CACNA1H: variants seen among roughly 807,000 people sequenced by gnomAD.
CACNA1H encodes the protein voltage-dependent T-type calcium channel subunit alpha-1H.
CACNA1H carries 149 observed loss-of-function variants against 192.5 expected under a neutral mutation model. That is an observed-to-expected ratio of 0.77 (90% CI 0.68 to 0.89). The LOEUF (loss-of-function observed/expected upper bound fraction) is 0.89. CACNA1H is among the 40% of genes least tolerant of loss of function. The pLI is 0.00. For missense variants in CACNA1H, 4,257 were observed against 3,423.5 expected (o/e 1.24, Z -6.08); for synonymous variants, 2,202 against 1,475.2 (o/e 1.49, Z -11.29).
chr16:1,155,124 C>T (rs1962146408), intron 2 of CACNA1H, among the ~76,000 whole-genome samples: 1 of 152,220 alleles, frequency 6.6e-6, no homozygotes, highest in African/African-American at 2.4e-5. Flanking sequence ...AAAGAGGAAT[C>T]TGTACAAAAA....
At chr16:1,179,392 T>C (rs1167568310) in intron 2 of CACNA1H, among the ~76,000 whole-genome samples, 1 of 152,064 alleles carries the variant, frequency 6.6e-6, no homozygotes, top group Non-Finnish European at 1.5e-5. Flanking sequence ...CCCCGCGAGG[T>C]TGGGGAGGTG....
intron 13 of CACNA1H, 66 bp from the exon 14 acceptor site, chr16:1,207,209 T>C: frequency 6.4e-7 from 1 of 1,555,494 alleles, no homozygotes; most frequent in Non-Finnish European, 8.7e-7. Flanking sequence ...TAGCTGCCTC[T>C]GCCCCAAGGA....
chr16:1,206,546 C>T (rs1968735771), intron 12 of CACNA1H: 2 of 533,592 alleles, frequency 3.7e-6, no homozygotes, highest in Non-Finnish European at 6.7e-6. Flanking sequence ...GGGATTTACT[C>T]AAGAGCAGAA....
intron 12 of CACNA1H, 72 bp downstream of exon 12, chr16:1,206,361 A>C: frequency 1.4e-6 from 2 of 1,439,666 alleles, no homozygotes; most frequent in South Asian, 2.6e-5. Context: ...GGCCCAGGGC[A>C]CCCCCCGAAG....
At chr16:1,211,387 G>T (rs936762784) in intron 22 of CACNA1H, 93 bp downstream of exon 22, 53 of 1,606,696 alleles carry the variant, frequency 3.3e-5, no homozygotes, top group Middle Eastern at 3.3e-4. Context: ...GCGGGACGGG[G>T]AGGGACAGCT....
At chr16:1,166,056 T>C (rs1963737954) in intron 2 of CACNA1H, among the ~76,000 whole-genome samples, 1 of 152,214 alleles carries the variant, frequency 6.6e-6, no homozygotes, top group Non-Finnish European at 1.5e-5. Flanking sequence ...CATTTGTGAC[T>C]TGGAATTGGG....
At chr16:1,172,141 G>A (rs118161995) in intron 2 of CACNA1H, among the ~76,000 whole-genome samples, 1,915 of 152,284 alleles carry the variant, frequency 0.013, 15 homozygotes, top group Non-Finnish European at 0.02. Context: ...GCCGCAGGGC[G>A]TGGGCCGCAC....
At chr16:1,176,924 G>A (rs1050527752) in intron 2 of CACNA1H, among the ~76,000 whole-genome samples, 1 of 152,174 alleles carries the variant, frequency 6.6e-6, no homozygotes, top group Non-Finnish European at 1.5e-5. Context: ...CTGTGAGGAT[G>A]TTCCGTGGAC....
chr16:1,188,615 C>T (rs961065134), intron 2 of CACNA1H, among the ~76,000 whole-genome samples: 7 of 152,220 alleles, frequency 4.6e-5, no homozygotes, highest in Admixed American at 1.3e-4. Context: ...GGGCTGCCCA[C>T]GCCCGCGCCC....
intron 19 of CACNA1H, 41 bp from the exon 20 acceptor site, chr16:1,210,542 G>C (rs964914459): frequency 6.2e-7 from 1 of 1,610,430 alleles, no homozygotes. Flanking sequence ...CCCCAGGGAG[G>C]GGTGGAGTGG....
At chr16:1,165,308 C>A (rs1378368980) in intron 2 of CACNA1H, among the ~76,000 whole-genome samples, 1 of 152,202 alleles carries the variant, frequency 6.6e-6, no homozygotes, top group African/African-American at 2.4e-5. Flanking sequence ...GGCTCAGAAT[C>A]GGCAGACCCA....
At chr16:1,165,174 G>A (rs865799912) in intron 2 of CACNA1H, among the ~76,000 whole-genome samples, 1 of 152,182 alleles carries the variant, frequency 6.6e-6, no homozygotes, top group South Asian at 2.1e-4. Flanking sequence ...TGACCACCGT[G>A]GCGCGATTGC....
rs926826964 is a variant in CACNA1H, at chr16:1,180,282, C to G, written c.300-14690C>G. 6.6e-6 allele frequency among the ~76,000 whole-genome samples: 1 copy of G among 152,180 alleles called. No homozygotes were observed. The highest frequency in any genetic ancestry group is 1.5e-5 in the Non-Finnish European group (1 of 68,038). On this transcript the variant is annotated intron_variant, in intron 2 of 34. Coordinates refer to ENST00000348261, the MANE Select transcript of CACNA1H (RefSeq NM_021098.3). This position sits in a 1 kb window ranked among gnomAD's most constrained non-coding sequence, Gnocchi z 4.4. The stretch of plus-strand genomic sequence containing the variant: ...TTTCACACAGATTGAGACCAGGCGT[C>G]GCCCACAGAGCATAATGTGAGGCGA...
At chr16:1,217,825 C>T in intron 31 of CACNA1H, 94 bp from the exon 32 acceptor site, 1 of 1,451,282 alleles carries the variant, frequency 6.9e-7, no homozygotes, top group East Asian at 2.5e-5. Flanking sequence ...TATCCTGCCT[C>T]TGGGCTCCCC....
At chr16:1,192,687 C>T (rs1205668807) in intron 2 of CACNA1H, among the ~76,000 whole-genome samples, 3 of 152,172 alleles carry the variant, frequency 2.0e-5, no homozygotes, top group African/African-American at 4.8e-5. Context: ...AGCCCCCTAG[C>T]CTAGGGCACC....
chr16:1,153,517 C>A (rs1961845633), intron 1 of CACNA1H, 47 bp downstream of exon 1: 3 of 276,486 alleles, frequency 1.1e-5, no homozygotes, highest in Non-Finnish European at 1.9e-5. Context: ...TCAACTTGCG[C>A]GAAGCGGGCC....
At chr16:1,200,103 C>T (rs1208370853) in intron 6 of CACNA1H, among the ~76,000 whole-genome samples, 153 bp from the exon 7 acceptor site, 2 of 152,102 alleles carry the variant, frequency 1.3e-5, no homozygotes, top group South Asian at 2.1e-4. Context: ...CCCCCTGACC[C>T]TAACCGTGCC....
intron 2 of CACNA1H, among the ~76,000 whole-genome samples, chr16:1,155,335 G>C (rs1320667375): frequency 6.6e-6 from 1 of 152,220 alleles, no homozygotes; most frequent in Non-Finnish European, 1.5e-5. Context: ...GAGTAGGTGG[G>C]TGTCCCCGGG....
chr16:1,196,037 C>A lies in CACNA1H; in HGVS notation c.643+14C>A. 6.2e-7 allele frequency: 1 copy of A among 1,603,902 alleles called. No homozygotes were observed. Among genetic ancestry groups the A allele is most frequent in the Non-Finnish European group, 8.5e-7 (1 of 1,171,732 alleles). ...ACCGCGTGCCTAGTAAGTGACCGGC[C>A]CCGACTGGGCTTGAGATCAACAGGC... On this transcript the variant is annotated intron_variant, in intron 5 of 34. Transcript: ENST00000348261.
Sources: allele counts gnomAD v4.1 joint callset (sites outside exome capture counted in the v4.1 genomes callset), GRCh38; gene constraint gnomAD v4.1.1; non-coding constraint Gnocchi (gnomAD v3.1); transcripts MANE v1.5; gene names NCBI Gene and HGNC (gene_info 2026-07-23, HGNC 2026-07-21).